The following GSTA2 variants were observed in gnomAD, a reference collection of about 807,000 sequenced individuals.
GSTA2 encodes glutathione S-transferase alpha 2.
In GSTA2, 27 loss-of-function variants were observed where a neutral mutation model predicts 22.4. That is an observed-to-expected ratio of 1.21 (90% confidence interval 0.89 to 1.67). The LOEUF (loss-of-function observed/expected upper bound fraction) is 1.67. Ranked by LOEUF, GSTA2 falls within the 40% of genes most tolerant of loss-of-function variation. The probability of loss-of-function intolerance (pLI) is 0.00; values close to 1 mark genes in which losing one functional copy is unlikely to be tolerated. For missense variants in GSTA2, 302 were observed against 260.2 expected (o/e 1.16, Z -1.11); for synonymous variants, 121 against 86.8 (o/e 1.39, Z -2.19).
chr6:52,761,552 T>C (rs544906748), intron 1 of GSTA2, among the ~76,000 whole-genome samples: 6 of 147,610 alleles, frequency 4.1e-5, no homozygotes, highest in African/African-American at 1.5e-4. Flanking sequence ...TGTTTCTCTC[T>C]CTCTTTGCTT....
chr6:52,754,212 T>C (rs1762798386), intron 4 of GSTA2, among the ~76,000 whole-genome samples: 1 of 152,224 alleles, frequency 6.6e-6, no homozygotes, highest in South Asian at 2.1e-4. Context: ...ATAGTGTGGA[T>C]GTATTTTCGA....
intron 1 of GSTA2, among the ~76,000 whole-genome samples, chr6:52,763,109 T>G (rs1010126005): frequency 6.6e-6 from 1 of 152,214 alleles, no homozygotes; most frequent in African/African-American, 2.4e-5. Flanking sequence ...TATAAAGAAA[T>G]TTTTGCATAC....
chr6:52,754,383 A>G (rs533340397), intron 4 of GSTA2, among the ~76,000 whole-genome samples: 34 of 152,304 alleles, frequency 2.2e-4, no homozygotes, highest in African/African-American at 7.0e-4. Context: ...TATTGAATCA[A>G]TCTGGCTGTT....
intron 5 of GSTA2, 68 bp from the exon 6 acceptor site, chr6:52,751,776 A>G: frequency 6.2e-7 from 1 of 1,611,396 alleles, no homozygotes; most frequent in Non-Finnish European, 8.5e-7. Context: ...CTTCTTTCAG[A>G]GCCTCTCCAC....
At chr6:52,758,379 A>ATGAT (rs1452747931) in intron 1 of GSTA2, among the ~76,000 whole-genome samples, 1 of 152,178 alleles carries the variant, frequency 6.6e-6, no homozygotes, top group Non-Finnish European at 1.5e-5. Context: ...GTCCCATGAA[A>ATGAT]TGATTATCTC....
intron 4 of GSTA2, 111 bp from the exon 5 acceptor site, chr6:52,753,106 A>G (rs1254170077): frequency 1.0e-6 from 1 of 983,498 alleles, no homozygotes; most frequent in East Asian, 2.5e-5. Context: ...ATTCACCTCC[A>G]ATGAGTGCCT....
intron 3 of GSTA2, 123 bp from the exon 4 acceptor site, chr6:52,755,198 G>A: frequency 1.7e-6 from 2 of 1,204,738 alleles, no homozygotes. Flanking sequence ...TGCCTGGTAA[G>A]AGTTCACTTG....
At chr6:52,754,821 G>C (rs1231883705) in intron 4 of GSTA2, 122 bp downstream of exon 4, 22 of 1,287,042 alleles carry the variant, frequency 1.7e-5, no homozygotes, top group Non-Finnish European at 2.2e-5. Flanking sequence ...GGACCTCAGC[G>C]TGCATGCCCA....
At chr6:52,757,153 A>G in intron 2 of GSTA2, among the ~76,000 whole-genome samples, 1 of 107,786 alleles carries the variant, frequency 9.3e-6, no homozygotes, top group Non-Finnish European at 1.9e-5. Flanking sequence ...GAATGTAGTC[A>G]ATCTTTAATA....
intron 1 of GSTA2, among the ~76,000 whole-genome samples, chr6:52,758,654 C>G (rs150949669): frequency 3.3e-5 from 5 of 152,180 alleles, no homozygotes; most frequent in Non-Finnish European, 5.9e-5. Flanking sequence ...AGGCCTCAGA[C>G]TTGTTTAACT....
At position 52,750,663 on chromosome 6, in the gene GSTA2, T is replaced by C; in HGVS notation, c.583A>G (p.Lys195Glu). 6.2e-7 allele frequency: 1 copy of C among 1,613,326 alleles called. No individual in the cohort carries two copies. The part of the protein sequence containing the change: ...KTRISNLPTV[K>E]KFLQPGSPRK... ...GGGCTGCCAGGCTGTAGAAACTTCT[T>C]CACTGTGGGCAGGTTACTGATTCTG... Residue 195 changes from lysine to glutamate, a missense_variant, in exon 7 of 7, where the codon AAG becomes GAG. Physicochemically the swap from Lys to Glu is moderately conservative, Grantham distance 56. Coordinates refer to ENST00000493422, the MANE Select transcript of GSTA2 (RefSeq NM_000846.5).
intron 2 of GSTA2, 82 bp downstream of exon 2, chr6:52,757,779 A>G (rs533596759): frequency 8.6e-7 from 1 of 1,158,548 alleles, no homozygotes; most frequent in East Asian, 2.3e-5. Context: ...TTCAGTTAGT[A>G]ATCATCTCAT....
intron 1 of GSTA2, among the ~76,000 whole-genome samples, chr6:52,762,394 G>A (rs186933980): frequency 2.8e-4 from 43 of 152,340 alleles, no homozygotes; most frequent in African/African-American, 9.9e-4. Context: ...ACTGACATAG[G>A]AGAAAACTGC....
intron 3 of GSTA2, 53 bp downstream of exon 3, chr6:52,756,205 C>T (rs1478701569): frequency 1.0e-5 from 14 of 1,334,582 alleles, no homozygotes; most frequent in Middle Eastern, 1.8e-4. Flanking sequence ...CAAACCTCCC[C>T]GTGTACCTTC....
intron 2 of GSTA2, among the ~76,000 whole-genome samples, chr6:52,756,773 T>C (rs938323365): frequency 5.9e-5 from 9 of 152,256 alleles, no homozygotes; most frequent in Non-Finnish European, 1.3e-4. Flanking sequence ...GCCCCACTTC[T>C]CAGGAACCCT....
At chr6:52,756,580 G>A (rs1762849752) in intron 2 of GSTA2, among the ~76,000 whole-genome samples, 1 of 152,088 alleles carries the variant, frequency 6.6e-6, no homozygotes, top group Non-Finnish European at 1.5e-5. Flanking sequence ...GTTTTGAGAG[G>A]GACATCACTG....
chr6:52,752,305 G>A (rs1403664497), intron 5 of GSTA2, among the ~76,000 whole-genome samples: 1 of 152,188 alleles, frequency 6.6e-6, no homozygotes, highest in East Asian at 1.9e-4. Flanking sequence ...GCAAGCTGAA[G>A]CGTTTAGGAG....
intron 1 of GSTA2, among the ~76,000 whole-genome samples, chr6:52,760,257 C>A (rs1174815284): frequency 6.6e-6 from 1 of 152,146 alleles, no homozygotes; most frequent in Non-Finnish European, 1.5e-5. Context: ...GATCATGTTT[C>A]AAAAGGAAGT....
intron 1 of GSTA2, among the ~76,000 whole-genome samples, chr6:52,758,586 G>T (rs764909782): frequency 6.6e-6 from 1 of 152,166 alleles, no homozygotes; most frequent in East Asian, 1.9e-4. Flanking sequence ...CCGGCTGGGA[G>T]CTAAATCACT....
Sources: allele counts gnomAD v4.1 joint callset (sites outside exome capture counted in the v4.1 genomes callset), GRCh38; gene constraint gnomAD v4.1.1; transcripts MANE v1.5; gene names NCBI Gene and HGNC (gene_info 2026-07-23, HGNC 2026-07-21).